Variants in CCDC85A observed in about 807,000 individuals in gnomAD.
CCDC85A encodes the protein coiled-coil domain-containing protein 85A.
A neutral mutation model predicts 50.2 loss-of-function variants in CCDC85A; 38 were observed. The ratio of observed to expected loss-of-function variants is 0.76; its 90% confidence interval spans 0.58 to 0.99. The LOEUF is 0.99. Among genes scored for constraint, CCDC85A ranks in the 50% least tolerant of loss-of-function variants. The pLI is 0.00. For missense variants in CCDC85A, 820 were observed against 742.0 expected (o/e 1.11, Z -1.22); for synonymous variants, 366 against 301.4 (o/e 1.21, Z -2.22).
At chr2:56,377,266 T>C (rs180825949) in intron 5 of CCDC85A, among the ~76,000 whole-genome samples, 1 of 152,300 alleles carries the variant, frequency 6.6e-6, no homozygotes, top group East Asian at 1.9e-4. Flanking sequence ...TGTTGGTTTA[T>C]GGACTGTTGA....
chr2:56,256,245 A>T (rs1284361440), intron 2 of CCDC85A, among the ~76,000 whole-genome samples: 2 of 152,234 alleles, frequency 1.3e-5, no homozygotes, highest in Non-Finnish European at 2.9e-5. Flanking sequence ...ATTGGCTATT[A>T]TATTATTTCT....
At chr2:56,324,434 A>G (rs1224937452) in intron 2 of CCDC85A, among the ~76,000 whole-genome samples, 1 of 140,110 alleles carries the variant, frequency 7.1e-6, no homozygotes, top group African/African-American at 2.9e-5. Context: ...AATGTTAATT[A>G]TTAATTAAAG....
chr2:56,276,599 G>A (rs1452631128), intron 2 of CCDC85A, among the ~76,000 whole-genome samples: 2 of 152,116 alleles, frequency 1.3e-5, no homozygotes, highest in Non-Finnish European at 2.9e-5. Flanking sequence ...CGTGAGATGT[G>A]CCTTTCACCT....
chr2:56,264,713 C>T (rs1181789750), intron 2 of CCDC85A, among the ~76,000 whole-genome samples: 1 of 152,158 alleles, frequency 6.6e-6, no homozygotes, highest in Non-Finnish European at 1.5e-5. Flanking sequence ...CACCTTCTTA[C>T]AGTCTAAATG....
chr2:56,191,969 G>T (rs894716018), intron 1 of CCDC85A, among the ~76,000 whole-genome samples: 13 of 152,154 alleles, frequency 8.5e-5, no homozygotes, highest in African/African-American at 3.1e-4. Context: ...TTTCTTGAGG[G>T]TGAGGCAGGG....
chr2:56,313,743 C>A (rs551538659), intron 2 of CCDC85A, among the ~76,000 whole-genome samples: 1 of 150,826 alleles, frequency 6.6e-6, no homozygotes, highest in South Asian at 2.1e-4. Flanking sequence ...CCTACAGGCA[C>A]TGGAACATGA....
intron 2 of CCDC85A, among the ~76,000 whole-genome samples, chr2:56,320,466 C>A (rs895905056): frequency 6.6e-6 from 1 of 152,052 alleles, no homozygotes; most frequent in East Asian, 1.9e-4. Context: ...ATATCACCAC[C>A]GATCCCACAG....
chr2:56,192,775 G>C lies in CCDC85A; in HGVS notation c.575G>C (p.Ser192Thr). The change falls in exon 2 of 6, where the codon AGC (serine) becomes ACC (threonine). Residue 192 changes from serine to threonine, a missense_variant. Transcript: ENST00000407595. The surrounding 1 kb of genome is among the most constrained non-coding windows in gnomAD (Gnocchi z 4.7). ...GSRCSIDSQASLCQLTASTAP... is the reference protein window; with the variant it reads ...GSRCSIDSQATLCQLTASTAP... ...CGCTGCTCCATCGACAGCCAGGCCA[G>C]CCTGTGCCAACTCACAGCCTCCACC... is the stretch of plus-strand genomic sequence containing the variant. 1 of 1,613,180 alleles carries C rather than the reference G, an allele frequency of 6.2e-7. No homozygotes were observed. The highest frequency in any genetic ancestry group is 2.2e-5 in the East Asian group (1 of 44,846).
intron 4 of CCDC85A, among the ~76,000 whole-genome samples, chr2:56,372,967 A>T (rs1676152398): frequency 6.6e-6 from 1 of 152,182 alleles, no homozygotes; most frequent in African/African-American, 2.4e-5. Context: ...ATATTTTTTT[A>T]AATAGTTCAG....
chr2:56,250,496 A>G (rs914194333), intron 2 of CCDC85A, among the ~76,000 whole-genome samples: 1 of 152,210 alleles, frequency 6.6e-6, no homozygotes. Flanking sequence ...AAGTTAGGAA[A>G]TGCCTAGTGA....
chr2:56,320,467 G>T (rs1324626920), intron 2 of CCDC85A, among the ~76,000 whole-genome samples: 2 of 151,948 alleles, frequency 1.3e-5, no homozygotes, highest in Non-Finnish European at 2.9e-5. Context: ...TATCACCACC[G>T]ATCCCACAGA....
At chr2:56,370,419 T>C (rs1292894118) in intron 3 of CCDC85A, among the ~76,000 whole-genome samples, 1 of 152,074 alleles carries the variant, frequency 6.6e-6, no homozygotes, top group Non-Finnish European at 1.5e-5. Flanking sequence ...AAAAAATATA[T>C]ATGCTGACAT....
At chr2:56,251,552 T>C (rs1370255381) in intron 2 of CCDC85A, among the ~76,000 whole-genome samples, 1 of 152,130 alleles carries the variant, frequency 6.6e-6, no homozygotes, top group East Asian at 1.9e-4. Context: ...ACCTCCTCTT[T>C]GGCTTAACCT....
intron 2 of CCDC85A, among the ~76,000 whole-genome samples, chr2:56,271,112 C>A (rs1670676799): frequency 6.6e-6 from 1 of 152,164 alleles, no homozygotes; most frequent in African/African-American, 2.4e-5. Flanking sequence ...AGTCTGGCCA[C>A]AGCATGTAAT....
intron 2 of CCDC85A, among the ~76,000 whole-genome samples, chr2:56,207,457 G>A (rs1398059155): frequency 6.6e-6 from 1 of 152,152 alleles, no homozygotes; most frequent in Non-Finnish European, 1.5e-5. Flanking sequence ...GTGTTACCCA[G>A]TGACACCAAA....
intron 5 of CCDC85A, among the ~76,000 whole-genome samples, chr2:56,381,230 C>T (rs188824555): frequency 6.6e-6 from 1 of 152,054 alleles, no homozygotes; most frequent in African/African-American, 2.4e-5. Context: ...AATGCACCAC[C>T]ATTCACTTTC....
chr2:56,214,622 A>G (rs1053722377), intron 2 of CCDC85A, among the ~76,000 whole-genome samples: 1 of 152,000 alleles, frequency 6.6e-6, no homozygotes, highest in East Asian at 1.9e-4. Flanking sequence ...CAATTATCCC[A>G]GTACCATTTG....
In CCDC85A at chr2:56,374,604, T is replaced by C. The variant is rs1042577670; in HGVS notation, c.1453-1212T>C. Among the ~76,000 whole-genome samples the C allele has an allele frequency of 8.6e-5, 13 of 151,496 alleles. No homozygotes were observed. In the East Asian group the frequency reaches 2.5e-3, roughly 30 times the overall value. On this transcript the variant is annotated intron_variant, in intron 4 of 5. Coordinates refer to ENST00000407595, the MANE Select transcript of CCDC85A (RefSeq NM_001080433.2). ...CAGGAGGATCACTTGAGGCCAGGAG[T>C]TCAAGACCAACCTGGGCAACATAGC...
At chr2:56,236,177 T>C (rs1573073860) in intron 2 of CCDC85A, among the ~76,000 whole-genome samples, 1 of 152,244 alleles carries the variant, frequency 6.6e-6, no homozygotes, top group African/African-American at 2.4e-5. Context: ...ATTGTAAGCA[T>C]TGGGAAAAAT....
Sources: gnomAD v4.1 joint callset for allele counts (sites outside exome capture counted in the v4.1 genomes callset) on GRCh38, gnomAD v4.1.1 for gene constraint, Gnocchi (gnomAD v3.1) non-coding constraint, MANE v1.5 for transcripts, NCBI Gene and HGNC (gene_info 2026-07-23, HGNC 2026-07-21) for gene names.